FBXO33: variants seen among roughly 807,000 people sequenced by gnomAD.
FBXO33 encodes the protein F-box protein 33, also known as F-box only protein 33.
Under a neutral mutation model 46.3 loss-of-function variants are expected in FBXO33, and 22 were observed. The observed-to-expected ratio is 0.48, with a 90% CI of 0.34 to 0.68. FBXO33 has a LOEUF of 0.68. FBXO33 is among the 30% of genes least tolerant of loss of function. The pLI, the probability that FBXO33 is intolerant of heterozygous loss-of-function variation, is 0.01. For missense variants in FBXO33, 692 were observed against 708.8 expected (o/e 0.98, Z 0.27); for synonymous variants, 337 against 291.3 (o/e 1.16, Z -1.60).
chr14:39,431,713 G>C lies in FBXO33; in HGVS notation c.450C>G (p.Ser150Arg), dbSNP rs924727588. ...RVEFAAENYL[S>R]GGGPGDGGGA... ...CACCTCCGTCCCCTGGGCCACCGCC[G>C]CTCAGATAGTTCTCGGCGGCGAATT... is the stretch of plus-strand genomic sequence containing the variant. The change falls in exon 1 of 4, where the codon AGC becomes AGG. Residue 150 changes from serine to arginine, a missense_variant. By Grantham distance (110) the Ser-to-Arg change is moderately radical. This residue lies in a region of FBXO33 where 412 missense variants were observed against 370.8 expected (regional missense o/e 1.11). Transcript: ENST00000298097. The C allele has an allele frequency of 1.2e-6, 2 of 1,613,364 alleles. No individual in the cohort carries two copies. The highest frequency in any genetic ancestry group is 1.7e-6 in the Non-Finnish European group (2 of 1,179,986).
intron 1 of FBXO33, among the ~76,000 whole-genome samples, chr14:39,408,880 A>C (rs1181149883): frequency 4.0e-5 from 6 of 151,624 alleles, no homozygotes; most frequent in Admixed American, 3.3e-4. Context: ...GGCTCAATGG[A>C]TCCTCCCACC....
At chr14:39,417,536 A>T (rs961929781) in intron 1 of FBXO33, among the ~76,000 whole-genome samples, 6 of 149,012 alleles carry the variant, frequency 4.0e-5, no homozygotes, top group East Asian at 1.9e-4. Flanking sequence ...AAGTATTGTT[A>T]TTTTTTTTTT....
chr14:39,403,026 T>A (rs56859252), intron 1 of FBXO33, among the ~76,000 whole-genome samples: 3,289 of 152,270 alleles, frequency 0.022, 128 homozygotes, highest in African/African-American at 0.076. Flanking sequence ...GACTCAATTC[T>A]TCATCAGTAA....
At position 39,432,063 on chromosome 14, in the gene FBXO33, G is replaced by C; in HGVS notation, c.100C>G (p.Gln34Glu). Residue 34 changes from glutamine to glutamate, a missense_variant, in exon 1 of 4, where the codon CAG becomes GAG. By Grantham distance (29) the Gln-to-Glu change is conservative. Transcript: ENST00000298097. ...AGCAGCCCCCGCAGCCGTCGCAGCT[G>C]CTGCAGCCGCAGCCGCCGCCACCGC... ...VARWRRLRLQ[Q>E]LRRLRGLLRV... The C allele has an allele frequency of 8.0e-7, 1 of 1,243,076 alleles. No homozygotes were observed. The highest frequency in any genetic ancestry group is 3.5e-5 in the South Asian group (1 of 28,900). 77.0% of individuals were successfully genotyped at this position (1,243,076 alleles called of 1,614,324 possible). A position where few individuals can be genotyped will look rare whatever the true frequency, so the allele number is the denominator to read the frequency against.
At chr14:39,403,896 G>A (rs1440985902) in intron 1 of FBXO33, among the ~76,000 whole-genome samples, 1 of 151,622 alleles carries the variant, frequency 6.6e-6, no homozygotes, top group African/African-American at 2.4e-5. Context: ...CAACCTCCTG[G>A]GCTTAAGTGA....
At chr14:39,425,975 G>T (rs893273735) in intron 1 of FBXO33, among the ~76,000 whole-genome samples, 2 of 152,056 alleles carry the variant, frequency 1.3e-5, no homozygotes, top group African/African-American at 4.8e-5. Flanking sequence ...TTAACCAGAA[G>T]TTATTTCCCA....
At chr14:39,421,914 T>C (rs533579431) in intron 1 of FBXO33, among the ~76,000 whole-genome samples, 9 of 152,184 alleles carry the variant, frequency 5.9e-5, no homozygotes, top group African/African-American at 2.2e-4. Context: ...TGTTAGAACA[T>C]CATATCTAAT....
Position 39,398,474 on chromosome 14 carries a change from T to C in FBXO33, c.*1042A>G, listed in dbSNP as rs1212333711. 1 of 151,244 alleles carries C rather than the reference T, an allele frequency of 6.6e-6. No individual in the cohort carries two copies. The highest frequency in any genetic ancestry group is 1.9e-4 in the East Asian group (1 of 5,186). The allele number at this position is 151,244 out of a possible 1,614,324, so 9.4% of individuals were successfully genotyped here. ...TGCATGTTTTTTTTTTCTTTTTTTT[T>C]TTTTTTTGTTTTGTTTTTTCAGAGT... On this transcript the variant is annotated 3_prime_UTR_variant, in exon 4 of 4. Coordinates refer to ENST00000298097, the MANE Select transcript of FBXO33 (RefSeq NM_203301.4).
intron 1 of FBXO33, among the ~76,000 whole-genome samples, chr14:39,417,418 A>G (rs937495192): frequency 1.1e-4 from 16 of 152,264 alleles, no homozygotes; most frequent in African/African-American, 3.6e-4. Flanking sequence ...TGATGTGGGC[A>G]AAGTGAATTT....
chr14:39,418,817 A>G (rs1215503557), intron 1 of FBXO33, among the ~76,000 whole-genome samples: 1 of 152,088 alleles, frequency 6.6e-6, no homozygotes, highest in Non-Finnish European at 1.5e-5. Context: ...GCATCACAGT[A>G]AAACTTAACA....
At chr14:39,429,315 T>C (rs1324025243) in intron 1 of FBXO33, among the ~76,000 whole-genome samples, 2 of 152,230 alleles carry the variant, frequency 1.3e-5, no homozygotes, top group African/African-American at 2.4e-5. Flanking sequence ...TTTCTACTTA[T>C]AGAATGGCAG....
At chr14:39,429,749 T>C (rs1159593945) in intron 1 of FBXO33, among the ~76,000 whole-genome samples, 1 of 152,182 alleles carries the variant, frequency 6.6e-6, no homozygotes, top group Non-Finnish European at 1.5e-5. Context: ...ACGGGTGTGA[T>C]GTTTTTGCAT....
chr14:39,414,859 A>G (rs755636058), intron 1 of FBXO33, among the ~76,000 whole-genome samples: 4 of 152,026 alleles, frequency 2.6e-5, no homozygotes, highest in Non-Finnish European at 5.9e-5. Context: ...ATGGGGGTCT[A>G]TGTTCCCCAG....
rs534368881 is a variant in FBXO33, at chr14:39,411,656, G to T, written c.600-9145C>A. Among the ~76,000 whole-genome samples, 6 of 151,962 alleles carry T rather than the reference G, an allele frequency of 3.9e-5. No homozygotes were observed. The South Asian group carries it at 1.2e-3, about 32-fold the overall frequency. On this transcript the variant is annotated intron_variant, in intron 1 of 3. Coordinates refer to ENST00000298097, the MANE Select transcript of FBXO33 (RefSeq NM_203301.4). ...TCCTGCCTCAGCCTCCCGAGTAGCT[G>T]CGACTACAGGTGCATGCCACCATGC...
chr14:39,405,229 G>T (rs1287443867), intron 1 of FBXO33, among the ~76,000 whole-genome samples: 1 of 152,146 alleles, frequency 6.6e-6, no homozygotes, highest in African/African-American at 2.4e-5. Context: ...CCAAAGTGGG[G>T]AGATGAGTTA....
At chr14:39,415,733 C>A (rs1327241152) in intron 1 of FBXO33, among the ~76,000 whole-genome samples, 1 of 151,684 alleles carries the variant, frequency 6.6e-6, no homozygotes, top group African/African-American at 2.4e-5. Context: ...GTGGTGTGAT[C>A]TCGGCTCACT....
intron 1 of FBXO33, among the ~76,000 whole-genome samples, chr14:39,428,884 C>T (rs986038851): frequency 2.0e-5 from 3 of 152,246 alleles, no homozygotes; most frequent in East Asian, 3.9e-4. Context: ...TACTTACTGC[C>T]CCTCTGTTCT....
chr14:39,400,870 G>C (rs756738839), intron 3 of FBXO33, among the ~76,000 whole-genome samples: 2 of 152,172 alleles, frequency 1.3e-5, no homozygotes, highest in African/African-American at 2.4e-5. Context: ...GTGATTAGAG[G>C]AAATATATCT....
intron 1 of FBXO33, among the ~76,000 whole-genome samples, chr14:39,414,800 C>A (rs1273459483): frequency 6.6e-6 from 1 of 152,076 alleles, no homozygotes; most frequent in Non-Finnish European, 1.5e-5. Flanking sequence ...TAGATGGGAA[C>A]ACAGGTGCAC....
Sources: gnomAD v4.1 joint callset for allele counts (sites outside exome capture counted in the v4.1 genomes callset) on GRCh38, gnomAD v4.1.1 for gene constraint, gnomAD v4.1.1 regional missense constraint, MANE v1.5 for transcripts, NCBI Gene and HGNC (gene_info 2026-07-23, HGNC 2026-07-21) for gene names.